Variants in KIFC3 observed in about 807,000 individuals in gnomAD.
KIFC3 encodes the protein kinesin-like protein KIFC3.
KIFC3 carries 60 observed loss-of-function variants against 101.8 expected under a neutral mutation model. The ratio of observed to expected loss-of-function variants is 0.59; its 90% CI spans 0.48 to 0.73. The LOEUF (loss-of-function observed/expected upper bound fraction) is 0.73. Among genes scored for constraint, KIFC3 ranks in the 30% least tolerant of loss-of-function variants. The pLI, the probability that KIFC3 is intolerant of heterozygous loss-of-function variation, is 0.00. For missense variants in KIFC3, 966 were observed against 1,137.1 expected, an observed-to-expected ratio of 0.85 and a Z score of 2.16; for synonymous variants, 476 against 482.7, an observed-to-expected ratio of 0.99 and a Z score of 0.18.
chr16:57,771,061 C>G (rs574259176), intron 6 of KIFC3, 137 bp downstream of exon 6: 61 of 1,169,868 alleles, frequency 5.2e-5, no homozygotes, highest in Non-Finnish European at 6.8e-5. Flanking sequence ...GGGGCAGGAC[C>G]AAGCACAGAA....
intron 12 of KIFC3, among the ~76,000 whole-genome samples, 174 bp downstream of exon 12, chr16:57,763,969 C>T (rs565368358): frequency 7.9e-5 from 12 of 152,332 alleles, no homozygotes; most frequent in Middle Eastern, 3.4e-3. Context: ...CAAGGGGGCC[C>T]CCTCTTAAGG....
At chr16:57,764,275 T>TGGGGGGGGGGG in intron 11 of KIFC3, 28 bp from the exon 12 acceptor site, 19 of 539,840 alleles carry the variant, frequency 3.5e-5, no homozygotes, top group East Asian at 1.8e-4. Flanking sequence ...GGGAGGCTGG[T>TGGGGGGGGGGG]GGGGGGGCTT....
chr16:57,768,540 C>CACACACACACACACACACACA (rs1567960344), intron 9 of KIFC3, among the ~76,000 whole-genome samples: 2 of 151,986 alleles, frequency 1.3e-5, no homozygotes, highest in Non-Finnish European at 2.9e-5. Context: ...CACACACGCA[C>CACACACACACACACACACACA]AATTGGCTTA....
rs117159984 is a variant in KIFC3, at chr16:57,801,413, C to T, written c.-40+957G>A. ...TCAAACCCTCTGCTCCCTGGTGCCC[C>T]TGTGAACAGCAGAACTCACCACCCT... On this transcript the variant is annotated intron_variant, in intron 1 of 19. Coordinates refer to ENST00000445690, the MANE Select transcript of KIFC3 (RefSeq NM_001130100.2). 9.4e-3 allele frequency among the ~76,000 whole-genome samples: 1,431 copies of T among 152,342 alleles called. 14 individuals carry two copies. The highest frequency in any genetic ancestry group is 0.016 in the Non-Finnish European group (1,095 of 68,014).
chr16:57,788,558 G>A lies in KIFC3; in HGVS notation c.315+6441C>T, dbSNP rs148474466. 1.2e-3 allele frequency: 1,515 copies of A among 1,281,866 alleles called. 21 individuals carry two copies. In the African/African-American group the frequency reaches 0.021, roughly 18 times the overall value. The allele number at this position is 1,281,866 out of a possible 1,614,324, so 79.4% of individuals were successfully genotyped here. On this transcript the variant is annotated intron_variant, in intron 3 of 19. Coordinates refer to ENST00000445690, the MANE Select transcript of KIFC3 (RefSeq NM_001130100.2). ...CTTCACTGGGGAGTGCCGGTTTGGC[G>A]GGCAGGCCTGCTTTACCTGTATTCT... is the stretch of plus-strand genomic sequence containing the variant.
At chr16:57,848,240 A>T (rs1374048701) in intron 1 of KIFC3, among the ~76,000 whole-genome samples, 1 of 152,242 alleles carries the variant, frequency 6.6e-6, no homozygotes, top group Non-Finnish European at 1.5e-5. Context: ...CGTTTTGTTC[A>T]GATGAACATT....
intron 1 of KIFC3, among the ~76,000 whole-genome samples, chr16:57,819,202 G>A (rs2149273907): frequency 6.6e-6 from 1 of 152,342 alleles, no homozygotes; most frequent in Non-Finnish European, 1.5e-5. Context: ...GGGCATGGTG[G>A]CTCACGCATG....
chr16:57,759,795 G>A lies in KIFC3; in HGVS notation c.2409C>T (p.Ala803=). ...TGGTCCCAGAGCTGGGGGCTGAGTG[G>A]GCCCGTGCCGAGGGCTGTGGCGTCT... ...ACQTPQPSAR[A]HSAPSSGTSS... is the part of the protein sequence containing the mutation. Residue 803 remains alanine (A), a synonymous_variant, in exon 18 of 20, where the codon GCC becomes GCT. Coordinates refer to ENST00000445690, the MANE Select transcript of KIFC3 (RefSeq NM_001130100.2). The A allele has an allele frequency of 6.2e-7, 1 of 1,610,874 alleles. No homozygotes were observed. The highest frequency in any genetic ancestry group is 1.3e-5 in the African/African-American group (1 of 74,888).
At position 57,802,294 on chromosome 16, in the gene KIFC3, C is replaced by G; in HGVS notation, c.-40+76G>C. 1 of 794,740 alleles carries G rather than the reference C, an allele frequency of 1.3e-6. No individual in the cohort carries two copies. 49.2% of individuals were successfully genotyped at this position (794,740 alleles called of 1,614,324 possible). A position where few individuals can be genotyped will look rare whatever the true frequency, so the allele number is the denominator to read the frequency against. ...GTCCCGAGGGCAGGGCCGGCCCGGA[C>G]GCGGCGCCCCAAACGGCGGGCCGGG... On this transcript the variant is annotated intron_variant, in intron 1 of 19. Transcript: ENST00000445690. The surrounding 1 kb of genome is among the most constrained non-coding windows in gnomAD (Gnocchi z 5.0).
chr16:57,784,361 C>G (rs2053096880), intron 3 of KIFC3, among the ~76,000 whole-genome samples: 1 of 152,164 alleles, frequency 6.6e-6, no homozygotes, highest in African/African-American at 2.4e-5. Context: ...AGGGGTGCCC[C>G]AAGGAGCCCC....
intron 3 of KIFC3, chr16:57,781,971 C>CAGAA (rs1423628552): frequency 1.0e-6 from 1 of 985,342 alleles, no homozygotes; most frequent in African/African-American, 1.7e-5. Flanking sequence ...AGCAGCCGAT[C>CAGAA]AGAAGCCAGT....
chr16:57,824,181 C>T (rs1258077686), intron 1 of KIFC3, among the ~76,000 whole-genome samples: 1 of 152,098 alleles, frequency 6.6e-6, no homozygotes, highest in East Asian at 1.9e-4. Flanking sequence ...TAATTGCAGG[C>T]AAGCTTTGTA....
At chr16:57,776,260 A>G in intron 3 of KIFC3, 2 of 985,504 alleles carry the variant, frequency 2.0e-6, no homozygotes, top group Non-Finnish European at 2.4e-6. Flanking sequence ...CTCAGCCCAG[A>G]GGCCAGCGGG....
intron 4 of KIFC3, 70 bp downstream of exon 4, chr16:57,772,153 C>T: frequency 6.5e-6 from 9 of 1,380,700 alleles, no homozygotes; most frequent in Non-Finnish European, 9.1e-6. Flanking sequence ...GCACCCCTGC[C>T]CCTGGCAGGG....
intron 3 of KIFC3, chr16:57,781,914 C>T (rs2052782494): frequency 2.0e-6 from 2 of 984,984 alleles, no homozygotes; most frequent in African/African-American, 3.5e-5. Flanking sequence ...GAACCCTCAC[C>T]CTTAACCATG....
At chr16:57,811,774 G>A (rs2055079999) in intron 1 of KIFC3, among the ~76,000 whole-genome samples, 1 of 151,794 alleles carries the variant, frequency 6.6e-6, no homozygotes, top group African/African-American at 2.4e-5. Context: ...AAATTAGCCG[G>A]GCATGGTGGC....
chr16:57,781,177 G>A (rs192182678), intron 3 of KIFC3, among the ~76,000 whole-genome samples: 136 of 152,276 alleles, frequency 8.9e-4, no homozygotes, highest in African/African-American at 2.9e-3. Flanking sequence ...AGTGGGCCAG[G>A]TGTGGTGGAC....
At chr16:57,804,975 G>A (rs1462574553), upstream of KIFC3, among the ~76,000 whole-genome samples, 3 of 150,526 alleles carry the variant, frequency 2.0e-5, no homozygotes, top group East Asian at 1.9e-4. Flanking sequence ...GATTACAGGC[G>A]CACACCACCA....
chr16:57,791,440 G>A (rs2053863829), intron 3 of KIFC3, among the ~76,000 whole-genome samples: 1 of 152,232 alleles, frequency 6.6e-6, no homozygotes, highest in African/African-American at 2.4e-5. Context: ...GGGAATTTCT[G>A]CAGCGCCTCT....
Sources: allele counts gnomAD v4.1 joint callset (sites outside exome capture counted in the v4.1 genomes callset), GRCh38; gene constraint gnomAD v4.1.1; non-coding constraint Gnocchi (gnomAD v3.1); transcripts MANE v1.5; gene names NCBI Gene and HGNC (gene_info 2026-07-23, HGNC 2026-07-21).